Variants in WWTR1 observed in about 807,000 individuals in gnomAD.
WWTR1 encodes WW domain containing transcription regulator 1, also known as WW domain-containing transcription regulator protein 1.
A neutral mutation model predicts 40.1 loss-of-function variants in WWTR1; 13 were observed. That is an observed-to-expected ratio of 0.32 (90% CI 0.21 to 0.52). The LOEUF is 0.52. Ranked by LOEUF, WWTR1 falls within the 20% of genes least tolerant of loss-of-function variation. The probability of loss-of-function intolerance (pLI) is 0.97; values close to 1 mark genes in which losing one functional copy is unlikely to be tolerated. For synonymous variants in WWTR1, 230 were observed against 210.1 expected (o/e 1.09, Z -0.82); for missense variants, 436 against 523.1 (o/e 0.83, Z 1.63).
At chr3:149,633,657 G>T (rs940039045) in intron 2 of WWTR1, among the ~76,000 whole-genome samples, 4 of 152,154 alleles carry the variant, frequency 2.6e-5, no homozygotes, top group Non-Finnish European at 5.9e-5. Context: ...CTGTAGACTG[G>T]GTTCAGGGGT....
intron 5 of WWTR1, among the ~76,000 whole-genome samples, chr3:149,712,616 T>A (rs190558889): frequency 6.6e-6 from 1 of 152,320 alleles, no homozygotes; most frequent in East Asian, 1.9e-4. Flanking sequence ...GTGTAACCCA[T>A]CTGCTTATTA....
At chr3:149,556,534 G>A (rs554379539) in intron 3 of WWTR1, among the ~76,000 whole-genome samples, 6 of 152,160 alleles carry the variant, frequency 3.9e-5, no homozygotes, top group Non-Finnish European at 7.3e-5. Context: ...AGCCGAGATC[G>A]CGCCACTGCA....
chr3:149,581,189 A>T (rs1450602750), intron 2 of WWTR1, among the ~76,000 whole-genome samples: 1 of 152,174 alleles, frequency 6.6e-6, no homozygotes, highest in Non-Finnish European at 1.5e-5. Context: ...ATTGGTTATA[A>T]TGATTCTTCC....
intron 1 of WWTR1, chr3:149,703,111 T>C (rs1715246279): frequency 1.3e-5 from 2 of 152,250 alleles, no homozygotes; most frequent in Admixed American, 6.5e-5. Flanking sequence ...AGGCTGAATA[T>C]AAAGTCTCCT....
At chr3:149,591,542 A>G (rs1404395695) in intron 2 of WWTR1, among the ~76,000 whole-genome samples, 1 of 152,224 alleles carries the variant, frequency 6.6e-6, no homozygotes, top group Non-Finnish European at 1.5e-5. Flanking sequence ...TATAACTGTA[A>G]TTACTTAACT....
At chr3:149,664,134 A>G (rs2108179014) in intron 2 of WWTR1, among the ~76,000 whole-genome samples, 1 of 152,366 alleles carries the variant, frequency 6.6e-6, no homozygotes, top group East Asian at 1.9e-4. Flanking sequence ...GGGGTGGCTA[A>G]GTTAGAGGAC....
intron 2 of WWTR1, among the ~76,000 whole-genome samples, chr3:149,606,733 T>C (rs980253738): frequency 6.6e-6 from 1 of 152,078 alleles, no homozygotes; most frequent in Non-Finnish European, 1.5e-5. Flanking sequence ...GTAAGGATGC[T>C]AACAGGGGAA....
At chr3:149,709,273 C>T (rs1715420570) in intron 5 of WWTR1, among the ~76,000 whole-genome samples, 1 of 43,864 alleles carries the variant, frequency 2.3e-5, no homozygotes, top group Non-Finnish European at 4.3e-5. Context: ...TCATGTCTGG[C>T]CTTTTTTTTT....
Position 149,559,348 on chromosome 3 carries a change from TTTTGAGAAAATATAAG to T in WWTR1, c.568+13500_568+13515del, listed in dbSNP as rs1736990801. ...AGAAAAAAGAAAAAAAGAAAAAGTCTTTTGAGAAAATATAAGTATTTCTGGGTAAAGGAGAATGATG... is the reference window on the plus strand; with the variant it reads ...AGAAAAAAGAAAAAAAGAAAAAGTCTTATTTCTGGGTAAAGGAGAATGATG... On this transcript the variant is annotated intron_variant, in intron 3 of 6. Transcript: ENST00000360632. 2.0e-5 allele frequency among the ~76,000 whole-genome samples: 3 copies of T among 151,284 alleles called. No individual in the cohort carries two copies. The South Asian group carries it at 6.3e-4, about 32-fold the overall frequency.
At chr3:149,544,695 C>T (rs1736288757) in intron 3 of WWTR1, among the ~76,000 whole-genome samples, 2 of 152,214 alleles carry the variant, frequency 1.3e-5, no homozygotes, top group South Asian at 2.1e-4. Context: ...CCTTCTGTCA[C>T]ATCTTAGACT....
chr3:149,594,185 G>T (rs537649571), intron 2 of WWTR1, among the ~76,000 whole-genome samples: 38 of 152,210 alleles, frequency 2.5e-4, no homozygotes, highest in African/African-American at 8.7e-4. Flanking sequence ...AAGACAAAGG[G>T]ATGTAGTTTC....
chr3:149,694,190 G>A (rs1009751379), intron 1 of WWTR1, among the ~76,000 whole-genome samples: 3 of 152,174 alleles, frequency 2.0e-5, no homozygotes, highest in South Asian at 2.1e-4. Flanking sequence ...TCAGGGGTTC[G>A]AGACCAGCCT....
intron 2 of WWTR1, among the ~76,000 whole-genome samples, chr3:149,574,832 C>T (rs1036353496): frequency 6.0e-5 from 9 of 150,884 alleles, no homozygotes; most frequent in East Asian, 1.9e-4. Context: ...CGGTGGCTCA[C>T]GCCTCTAATC....
chr3:149,668,922 G>A (rs1183328295), intron 2 of WWTR1, among the ~76,000 whole-genome samples: 1 of 152,108 alleles, frequency 6.6e-6, no homozygotes, highest in Admixed American at 6.6e-5. Flanking sequence ...ATAATCTAGT[G>A]GTAAATTTCA....
chr3:149,576,006 G>A, intron 2 of WWTR1: 1 of 456,702 alleles, frequency 2.2e-6, no homozygotes, highest in Admixed American at 2.3e-5. Context: ...TGTTCCCAGT[G>A]GATTTGTTAA....
Position 149,535,759 on chromosome 3 carries a change from T to A in WWTR1, c.771+6576A>T, listed in dbSNP as rs140368950. ...CTGGTGCAGTGGCTCACACCTGTAA[T>A]CCCAGCACTTTGGGAGGCCAGGGTG... On this transcript the variant is annotated intron_variant, in intron 4 of 6. Transcript: ENST00000360632. Among the ~76,000 whole-genome samples, 1,041 of 148,792 alleles carry A rather than the reference T, an allele frequency of 7.0e-3. 16 individuals are homozygous for A. Among genetic ancestry groups the A allele is most frequent in the African/African-American group, 0.024 (967 of 40,684 alleles).
intron 3 of WWTR1, among the ~76,000 whole-genome samples, chr3:149,557,237 A>G (rs936530794): frequency 6.6e-6 from 1 of 151,460 alleles, no homozygotes; most frequent in East Asian, 1.9e-4. Context: ...CGCCCAGCTA[A>G]TTTTTGTATT....
chr3:149,680,580 A>G (rs1374378255), intron 1 of WWTR1, among the ~76,000 whole-genome samples: 1 of 151,390 alleles, frequency 6.6e-6, no homozygotes, highest in Non-Finnish European at 1.5e-5. Context: ...AAACAAACAA[A>G]AAAACGTATT....
At chr3:149,643,606 T>C (rs781746019) in intron 2 of WWTR1, among the ~76,000 whole-genome samples, 1 of 152,188 alleles carries the variant, frequency 6.6e-6, no homozygotes, top group Non-Finnish European at 1.5e-5. Flanking sequence ...TATGGAAACT[T>C]GTGGGACTAT....
Sources: allele counts gnomAD v4.1 joint callset (sites outside exome capture counted in the v4.1 genomes callset), GRCh38; gene constraint gnomAD v4.1.1; transcripts MANE v1.5; gene names NCBI Gene and HGNC (gene_info 2026-07-23, HGNC 2026-07-21).